CAMK2D: variants seen among roughly 807,000 people sequenced by gnomAD.
The protein encoded by CAMK2D is calcium/calmodulin dependent protein kinase II delta.
In CAMK2D, 37 loss-of-function variants were observed where a neutral mutation model predicts 84.0. The ratio of observed to expected loss-of-function variants is 0.44; its 90% CI spans 0.34 to 0.58. The LOEUF is 0.58. Ranked by LOEUF, CAMK2D falls within the 20% of genes least tolerant of loss-of-function variation. The pLI is 0.02. For synonymous variants in CAMK2D, 202 were observed against 212.5 expected (o/e 0.95, Z 0.43); for missense variants, 448 against 652.5 (o/e 0.69, Z 3.41).
intron 4 of CAMK2D, among the ~76,000 whole-genome samples, chr4:113,604,063 C>T (rs377266577): frequency 3.3e-5 from 5 of 151,894 alleles, no homozygotes; most frequent in Non-Finnish European, 2.9e-5. Context: ...AAAAATAGAA[C>T]TTCCATTAGA....
At chr4:113,459,690 G>A (rs916996384) in intron 18 of CAMK2D, among the ~76,000 whole-genome samples, 5 of 143,812 alleles carry the variant, frequency 3.5e-5, no homozygotes, top group South Asian at 2.2e-4. Flanking sequence ...CCAGGCTTGC[G>A]ATCTTGGCTC....
intron 3 of CAMK2D, among the ~76,000 whole-genome samples, chr4:113,638,263 GGTGTGTGTGTGTAT>G (rs1042301580): frequency 1.3e-5 from 2 of 151,920 alleles, no homozygotes; most frequent in African/African-American, 2.4e-5. Context: ...TAGAAAGACA[GGTGTGTGTGTGTAT>G]GTGTGTGTGT....
intron 3 of CAMK2D, among the ~76,000 whole-genome samples, chr4:113,626,739 G>T (rs1206209954): frequency 6.6e-6 from 1 of 152,102 alleles, no homozygotes; most frequent in Admixed American, 6.6e-5. Context: ...AGTTAGATGG[G>T]ACTCAGCTGT....
chr4:113,728,239 T>G (rs2099552012), intron 2 of CAMK2D, among the ~76,000 whole-genome samples: 1 of 152,190 alleles, frequency 6.6e-6, no homozygotes, highest in African/African-American at 2.4e-5. Context: ...TGCTAAGAAC[T>G]GGAAACAATC....
intron 2 of CAMK2D, among the ~76,000 whole-genome samples, chr4:113,738,551 A>G (rs1462158210): frequency 6.6e-6 from 1 of 152,172 alleles, no homozygotes; most frequent in Non-Finnish European, 1.5e-5. Flanking sequence ...ATGTGTTATT[A>G]TCCTCTTTAG....
intron 4 of CAMK2D, 48 bp from the exon 5 acceptor site, chr4:113,552,144 A>C (rs768564912): frequency 2.0e-6 from 2 of 1,007,930 alleles, no homozygotes; most frequent in Admixed American, 3.9e-5. Context: ...GCAAAAAAAA[A>C]TAAGCATCAA....
At position 113,507,382 on chromosome 4, in the gene CAMK2D, C is replaced by T. The variant is rs532124312; in HGVS notation, c.984+2256G>A. ...TCTCCCGCCTCAGCCTCCCCAGTAG[C>T]TGGGATTACAGGTACGGCCACCACA... On this transcript the variant is annotated intron_variant, in intron 13 of 20. Coordinates refer to ENST00000511664, the MANE Select transcript of CAMK2D (RefSeq NM_001321571.2). 2.0e-4 allele frequency among the ~76,000 whole-genome samples: 31 copies of T among 151,624 alleles called. No homozygotes were observed. The South Asian group carries it at 5.8e-3, about 29-fold the overall frequency.
At chr4:113,735,915 GA>G (rs1593849569) in intron 2 of CAMK2D, among the ~76,000 whole-genome samples, 2 of 152,110 alleles carry the variant, frequency 1.3e-5, no homozygotes, top group East Asian at 3.9e-4. Flanking sequence ...CTAATACTGT[GA>G]ACATCAGATA....
chr4:113,710,818 G>C (rs1436652053), intron 2 of CAMK2D, among the ~76,000 whole-genome samples: 2 of 152,154 alleles, frequency 1.3e-5, no homozygotes, highest in Non-Finnish European at 2.9e-5. Context: ...AGGTATACCA[G>C]CTTCATACTG....
In CAMK2D at chr4:113,707,083, A is replaced by G. The variant is rs867161770; in HGVS notation, c.161-45311T>C. Among the ~76,000 whole-genome samples the G allele has an allele frequency of 6.7e-4, 102 of 152,334 alleles. 1 individual carries two copies. Among genetic ancestry groups the G allele is most frequent in the African/African-American group, 2.4e-3 (99 of 41,588 alleles). On this transcript the variant is annotated intron_variant, in intron 2 of 20. Transcript: ENST00000511664. Reference sequence around the variant, plus strand: ...GAAAAAACACACCTTGTACCATAGCAGACCTACAAGTGAAATATGATAGCG... The same window carrying G: ...GAAAAAACACACCTTGTACCATAGCGGACCTACAAGTGAAATATGATAGCG...
chr4:113,647,657 C>T (rs1013904453), intron 3 of CAMK2D, among the ~76,000 whole-genome samples: 1 of 152,170 alleles, frequency 6.6e-6, no homozygotes, highest in African/African-American at 2.4e-5. Context: ...CAAATGTCTC[C>T]GGAAGGAAGA....
intron 2 of CAMK2D, among the ~76,000 whole-genome samples, chr4:113,676,089 CT>C (rs1321828767): frequency 6.6e-6 from 1 of 152,188 alleles, no homozygotes; most frequent in Non-Finnish European, 1.5e-5. Context: ...ACTGGGCACA[CT>C]AAGTGGTTCT....
At chr4:113,699,784 C>A (rs1439785652) in intron 2 of CAMK2D, among the ~76,000 whole-genome samples, 5 of 152,100 alleles carry the variant, frequency 3.3e-5, no homozygotes, top group Non-Finnish European at 7.4e-5. Flanking sequence ...ATGATATAAA[C>A]ATGTCTTAAC....
chr4:113,760,227 A>T (rs1030370231), intron 1 of CAMK2D, among the ~76,000 whole-genome samples: 2 of 152,124 alleles, frequency 1.3e-5, no homozygotes, highest in African/African-American at 2.4e-5. Flanking sequence ...AACATCTCCA[A>T]GTAGTTCTGC....
intron 4 of CAMK2D, among the ~76,000 whole-genome samples, chr4:113,581,738 C>T (rs1591518502): frequency 6.6e-6 from 1 of 152,142 alleles, no homozygotes. Context: ...AGTGGTGGTG[C>T]TAGCAAAACA....
intron 4 of CAMK2D, among the ~76,000 whole-genome samples, chr4:113,562,995 C>A (rs2098705521): frequency 6.6e-6 from 1 of 152,148 alleles, no homozygotes; most frequent in Admixed American, 6.5e-5. Context: ...CAGTGGCTCA[C>A]ACCTGTAATC....
chr4:113,731,562 G>T (rs966191763), intron 2 of CAMK2D, among the ~76,000 whole-genome samples: 2 of 148,328 alleles, frequency 1.3e-5, no homozygotes, highest in Admixed American at 6.7e-5. Context: ...AAGTATAAAA[G>T]ATAATCTAAG....
chr4:113,500,317 A>C, intron 16 of CAMK2D, 146 bp downstream of exon 16: 1 of 497,494 alleles, frequency 2.0e-6, no homozygotes, highest in Non-Finnish European at 3.5e-6. Context: ...TGTACTTATA[A>C]AAATATTTTT....
At chr4:113,600,351 T>C (rs1251441194) in intron 4 of CAMK2D, among the ~76,000 whole-genome samples, 1 of 152,200 alleles carries the variant, frequency 6.6e-6, no homozygotes, top group Non-Finnish European at 1.5e-5. Flanking sequence ...ATAACTAATG[T>C]ACTAATGTTG....
Sources: allele counts gnomAD v4.1 joint callset (sites outside exome capture counted in the v4.1 genomes callset), GRCh38; gene constraint gnomAD v4.1.1; transcripts MANE v1.5; gene names NCBI Gene and HGNC (gene_info 2026-07-23, HGNC 2026-07-21).